TOM1L2: variants seen among roughly 807,000 people sequenced by gnomAD.
TOM1L2 encodes TOM1-like protein 2.
A neutral mutation model predicts 67.9 loss-of-function variants in TOM1L2; 31 were observed. That is an observed-to-expected ratio of 0.46 (90% confidence interval 0.34 to 0.62). TOM1L2 has a LOEUF of 0.62. Among genes scored for constraint, TOM1L2 ranks in the 20% least tolerant of loss-of-function variants. The probability of loss-of-function intolerance (pLI) is 0.01; values close to 1 mark genes in which losing one functional copy is unlikely to be tolerated. For synonymous variants in TOM1L2, 256 were observed against 254.0 expected (o/e 1.01, Z -0.07); for missense variants, 606 against 663.5 (o/e 0.91, Z 0.95).
chr17:17,931,386 G>A (rs1268041559), intron 1 of TOM1L2, among the ~76,000 whole-genome samples: 5 of 152,188 alleles, frequency 3.3e-5, no homozygotes, highest in Non-Finnish European at 5.9e-5. Context: ...GACCAATTGA[G>A]CTCAAATCTG....
chr17:17,906,334 G>T (rs1172841488), intron 2 of TOM1L2, among the ~76,000 whole-genome samples: 6 of 151,718 alleles, frequency 4.0e-5, no homozygotes, highest in African/African-American at 1.5e-4. Context: ...CAACCGTGTT[G>T]CCCAGGCTGG....
chr17:17,969,110 G>C (rs752600188), intron 1 of TOM1L2, among the ~76,000 whole-genome samples: 9 of 149,578 alleles, frequency 6.0e-5, no homozygotes, highest in Middle Eastern at 6.8e-3. Flanking sequence ...AGGCTGGAGC[G>C]CGGTGGCACA....
intron 1 of TOM1L2, among the ~76,000 whole-genome samples, chr17:17,950,363 T>G (rs770851384): frequency 6.6e-6 from 1 of 151,956 alleles, no homozygotes; most frequent in Non-Finnish European, 1.5e-5. Flanking sequence ...TTTACCAAGT[T>G]GGCCGCGCTT....
chr17:17,915,034 T>C (rs1429515252), intron 1 of TOM1L2, among the ~76,000 whole-genome samples: 1 of 152,178 alleles, frequency 6.6e-6, no homozygotes, highest in Non-Finnish European at 1.5e-5. Context: ...GTGAGTTCTA[T>C]CTAGTTTGTT....
rs1181612375 is a variant in TOM1L2 at position 17,844,405 on chromosome 17, C to G, written c.*3230G>C. 6.6e-6 allele frequency: 1 copy of G among 152,338 alleles called. No individual in the cohort carries two copies. Among genetic ancestry groups the G allele is most frequent in the Non-Finnish European group, 1.5e-5 (1 of 68,118 alleles). The allele number at this position is 152,338 out of a possible 1,614,324, so 9.4% of individuals were successfully genotyped here. A position where few individuals can be genotyped will look rare whatever the true frequency, so the allele number is the denominator to read the frequency against. On this transcript the variant is annotated 3_prime_UTR_variant, in exon 15 of 15. Coordinates refer to ENST00000379504, the MANE Select transcript of TOM1L2 (RefSeq NM_001082968.2). Reference sequence around the variant, plus strand: ...CTCCCCAGGGGCTGGAGTGACAGCACAGGCCCCAAGACCACCAGGTGGCAT... The same window carrying G: ...CTCCCCAGGGGCTGGAGTGACAGCAGAGGCCCCAAGACCACCAGGTGGCAT...
chr17:17,867,272 T>C (rs939855193), intron 8 of TOM1L2, among the ~76,000 whole-genome samples: 37 of 152,008 alleles, frequency 2.4e-4, no homozygotes, highest in Non-Finnish European at 4.1e-4. Context: ...CCCTATTTCA[T>C]AGGGCTGTGT....
chr17:17,952,371 A>G (rs1168974343), intron 1 of TOM1L2, among the ~76,000 whole-genome samples: 2 of 31,126 alleles, frequency 6.4e-5, no homozygotes, highest in Admixed American at 3.8e-4. Flanking sequence ...GTGCTTCTTT[A>G]TTTTCTTTTT....
intron 1 of TOM1L2, among the ~76,000 whole-genome samples, chr17:17,944,982 C>T (rs186417228): frequency 4.3e-4 from 66 of 152,320 alleles, no homozygotes; most frequent in African/African-American, 1.5e-3. Flanking sequence ...GCAGCAGATG[C>T]TGCCCGCACT....
chr17:17,899,867 G>A (rs2038759609), intron 2 of TOM1L2, among the ~76,000 whole-genome samples: 1 of 152,192 alleles, frequency 6.6e-6, no homozygotes, highest in Admixed American at 6.5e-5. Context: ...AAATGTGTAT[G>A]AGGAAGTTGA....
At chr17:17,907,667 G>C (rs2039159900) in intron 1 of TOM1L2, 136 bp from the exon 2 acceptor site, 1 of 694,800 alleles carries the variant, frequency 1.4e-6, no homozygotes, top group South Asian at 1.8e-5. Flanking sequence ...TTCTAGGAGT[G>C]CTATTATCAC....
At chr17:17,850,753 C>G in intron 13 of TOM1L2, 140 bp downstream of exon 13, 3 of 865,748 alleles carry the variant, frequency 3.5e-6, no homozygotes, top group Non-Finnish European at 5.6e-6. Context: ...GGAGGGGCAG[C>G]TATGGAGCTT....
chr17:17,881,662 T>G (rs1461442723), intron 6 of TOM1L2, among the ~76,000 whole-genome samples: 2 of 152,182 alleles, frequency 1.3e-5, no homozygotes, highest in Non-Finnish European at 2.9e-5. Context: ...AACAAATCAC[T>G]TGTTCTACTG....
At chr17:17,917,432 G>GA (rs1186287317) in intron 1 of TOM1L2, among the ~76,000 whole-genome samples, 1 of 117,346 alleles carries the variant, frequency 8.5e-6, no homozygotes, top group East Asian at 2.6e-4. Flanking sequence ...TTCTATTTCT[G>GA]AAAAAAATAC....
intron 1 of TOM1L2, among the ~76,000 whole-genome samples, chr17:17,946,022 T>C (rs1298594157): frequency 6.6e-6 from 1 of 151,930 alleles, no homozygotes; most frequent in African/African-American, 2.4e-5. Context: ...GGGTGCACCA[T>C]CACGCCTGCC....
chr17:17,876,213 G>A (rs2037415575), intron 7 of TOM1L2, among the ~76,000 whole-genome samples: 2 of 152,318 alleles, frequency 1.3e-5, no homozygotes, highest in South Asian at 4.1e-4. Context: ...CTTTAGCAGG[G>A]ACAGATGCAG....
At chr17:17,898,024 C>T (rs1598291356) in intron 3 of TOM1L2, among the ~76,000 whole-genome samples, 1 of 150,920 alleles carries the variant, frequency 6.6e-6, no homozygotes, top group East Asian at 2.0e-4. Context: ...CTCCCGGGTT[C>T]AAGCAATTCT....
intron 4 of TOM1L2, 73 bp downstream of exon 4, chr17:17,893,588 G>T: frequency 1.5e-6 from 2 of 1,303,614 alleles, no homozygotes; most frequent in Admixed American, 2.5e-5. Context: ...AATGGTGGGA[G>T]AGCATGAGGA....
chr17:17,890,878 G>A (rs1568180727), intron 4 of TOM1L2, among the ~76,000 whole-genome samples: 1 of 152,090 alleles, frequency 6.6e-6, no homozygotes, highest in South Asian at 2.1e-4. Context: ...AAAAAGAAAG[G>A]GCTAGGGATC....
intron 1 of TOM1L2, among the ~76,000 whole-genome samples, chr17:17,942,197 G>A (rs2144799979): frequency 6.6e-6 from 1 of 152,316 alleles, no homozygotes; most frequent in Admixed American, 6.5e-5. Flanking sequence ...GCTGAAAACA[G>A]CAGACAAAAG....
Sources: gnomAD v4.1 joint callset for allele counts (sites outside exome capture counted in the v4.1 genomes callset) on GRCh38, gnomAD v4.1.1 for gene constraint, MANE v1.5 for transcripts, NCBI Gene and HGNC (gene_info 2026-07-23, HGNC 2026-07-21) for gene names.